The following FOXN3 variants were observed in gnomAD, a reference collection of about 807,000 sequenced individuals.
FOXN3 encodes the protein forkhead box protein N3.
A neutral mutation model predicts 38.4 loss-of-function variants in FOXN3; 7 were observed. That is an observed-to-expected ratio of 0.18 (90% confidence interval 0.10 to 0.34). FOXN3 has a LOEUF of 0.34. FOXN3 is among the 10% of genes least tolerant of loss of function. The pLI is 1.00. For synonymous variants in FOXN3, 230 were observed against 242.2 expected (o/e 0.95, Z 0.47); for missense variants, 456 against 613.4 (o/e 0.74, Z 2.71).
At chr14:89,369,429 C>T (rs1890249219) in intron 2 of FOXN3, among the ~76,000 whole-genome samples, 1 of 152,142 alleles carries the variant, frequency 6.6e-6, no homozygotes, top group Non-Finnish European at 1.5e-5. Flanking sequence ...TTATTTATTT[C>T]ACTTAATTCT....
chr14:89,367,281 T>C (rs1890187338), intron 2 of FOXN3, among the ~76,000 whole-genome samples: 2 of 152,106 alleles, frequency 1.3e-5, no homozygotes, highest in Non-Finnish European at 2.9e-5. Flanking sequence ...CTACAGTGCC[T>C]CTCAATTCTA....
rs60255979 is a variant in FOXN3 at position 89,423,452 on chromosome 14, T to C, written c.-14-10962A>G. Among the ~76,000 whole-genome samples, 393 of 152,322 alleles carry C rather than the reference T, an allele frequency of 2.6e-3. 2 individuals are homozygous for C. Among genetic ancestry groups the C allele is most frequent in the African/African-American group, 8.8e-3 (366 of 41,560 alleles). ...GAAAATCTTGACATATTAGACTGCA[T>C]ACCAATTTAGAATTGTGTGTAAAAT... On this transcript the variant is annotated intron_variant, in intron 1 of 6. Transcript: ENST00000345097.
intron 1 of FOXN3, among the ~76,000 whole-genome samples, chr14:89,550,035 A>T (rs1192566754): frequency 6.6e-6 from 1 of 152,208 alleles, no homozygotes; most frequent in Non-Finnish European, 1.5e-5. Flanking sequence ...TTTTGCCTCC[A>T]TCCTCCAGGC....
intron 1 of FOXN3, among the ~76,000 whole-genome samples, chr14:89,540,013 A>G (rs1173479314): frequency 6.6e-6 from 1 of 152,200 alleles, no homozygotes; most frequent in Non-Finnish European, 1.5e-5. Flanking sequence ...GGCTGTTTCT[A>G]CTTTTCTATG....
intron 1 of FOXN3, among the ~76,000 whole-genome samples, chr14:89,550,381 C>A (rs1894978354): frequency 6.6e-6 from 1 of 152,156 alleles, no homozygotes; most frequent in Admixed American, 6.5e-5. Flanking sequence ...ATGTACAGTG[C>A]ACAGCAAACA....
chr14:89,356,411 T>A (rs1458305968), intron 2 of FOXN3: 3 of 151,654 alleles, frequency 2.0e-5, no homozygotes, highest in African/African-American at 7.3e-5. Flanking sequence ...AAATATATAA[T>A]AATAATAATT....
chr14:89,324,033 A>G (rs528926623), intron 3 of FOXN3, among the ~76,000 whole-genome samples: 2 of 152,298 alleles, frequency 1.3e-5, no homozygotes, highest in South Asian at 4.1e-4. Flanking sequence ...TTAAGTTGCA[A>G]CCTGCAACAG....
intron 3 of FOXN3, among the ~76,000 whole-genome samples, chr14:89,294,671 G>A (rs1385935404): frequency 6.6e-6 from 1 of 152,118 alleles, no homozygotes; most frequent in East Asian, 1.9e-4. Flanking sequence ...AGTGACCTCT[G>A]GTGGTCCTCA....
At chr14:89,226,177 A>G (rs1884634733) in intron 4 of FOXN3, among the ~76,000 whole-genome samples, 1 of 85,098 alleles carries the variant, frequency 1.2e-5, no homozygotes. Flanking sequence ...AGGAGACATA[A>G]AAAAAAAAAA....
intron 1 of FOXN3, among the ~76,000 whole-genome samples, chr14:89,446,030 G>A (rs1433900546): frequency 7.8e-6 from 1 of 128,080 alleles, no homozygotes; most frequent in Admixed American, 1.0e-4. Flanking sequence ...TGAGCTTGCA[G>A]TGAGCTGTGA....
At chr14:89,341,024 G>A (rs1888599210) in intron 3 of FOXN3, among the ~76,000 whole-genome samples, 1 of 152,110 alleles carries the variant, frequency 6.6e-6, no homozygotes, top group Non-Finnish European at 1.5e-5. Context: ...GTTGCAGAGG[G>A]ATATGCCTCG....
At chr14:89,248,371 G>A (rs927970310) in intron 4 of FOXN3, among the ~76,000 whole-genome samples, 1 of 152,106 alleles carries the variant, frequency 6.6e-6, no homozygotes, top group Non-Finnish European at 1.5e-5. Flanking sequence ...CCACCAACAG[G>A]AGCAAATGAT....
intron 1 of FOXN3, among the ~76,000 whole-genome samples, chr14:89,434,500 G>A (rs928439196): frequency 3.9e-5 from 6 of 152,022 alleles, no homozygotes; most frequent in Non-Finnish European, 7.4e-5. Flanking sequence ...AAAGTGCTGG[G>A]ATTACAGATG....
chr14:89,345,945 C>T (rs112257564), intron 3 of FOXN3, among the ~76,000 whole-genome samples: 192 of 152,238 alleles, frequency 1.3e-3, no homozygotes, highest in African/African-American at 4.1e-3. Context: ...CCCAGCTACT[C>T]GGGAGGCTGA....
rs34530866 is a variant in FOXN3, at chr14:89,554,782, C to CTTTTTT, written c.-15+64240_-15+64245dup. On this transcript the variant is annotated intron_variant, in intron 1 of 6. Transcript: ENST00000345097. Reference sequence around the variant, plus strand: ...ATAATCTATGTAAATACTAGCATTTCTTTTTTTTTTTTTTTTTTTTTTTTG... The same window carrying CTTTTTT: ...ATAATCTATGTAAATACTAGCATTTCTTTTTTTTTTTTTTTTTTTTTTTTTTTTTTG... Among the ~76,000 whole-genome samples the CTTTTTT allele has an allele frequency of 1.6e-3, 111 of 68,534 alleles. 1 individual carries two copies. Among genetic ancestry groups the CTTTTTT allele is most frequent in the African/African-American group, 4.9e-3 (97 of 19,616 alleles). 45.0% of individuals were successfully genotyped at this position (68,534 alleles called of 152,430 possible). A position where few individuals can be genotyped will look rare whatever the true frequency, so the allele number is the denominator to read the frequency against.
At chr14:89,294,257 A>C (rs79108864) in intron 3 of FOXN3, among the ~76,000 whole-genome samples, 5,630 of 152,158 alleles carry the variant, frequency 0.037, 365 homozygotes, top group African/African-American at 0.13. Flanking sequence ...TCAAAGCACA[A>C]TATCTTCAGG....
chr14:89,414,592 T>A (rs1891645091), intron 1 of FOXN3, among the ~76,000 whole-genome samples: 1 of 148,452 alleles, frequency 6.7e-6, no homozygotes, highest in African/African-American at 2.5e-5. Context: ...CTCACTCTGT[T>A]GCCCAGGCTG....
intron 1 of FOXN3, among the ~76,000 whole-genome samples, chr14:89,504,260 C>T (rs1239291368): frequency 6.6e-6 from 1 of 152,226 alleles, no homozygotes. Flanking sequence ...TGCTAGCTCA[C>T]TTTCCCAGGC....
intron 4 of FOXN3, among the ~76,000 whole-genome samples, chr14:89,240,741 C>G (rs534418590): frequency 6.6e-6 from 1 of 152,154 alleles, no homozygotes; most frequent in Non-Finnish European, 1.5e-5. Context: ...AAGAGAATGC[C>G]GTACTTTTCA....
Sources: gnomAD v4.1 joint callset for allele counts (sites outside exome capture counted in the v4.1 genomes callset) on GRCh38, gnomAD v4.1.1 for gene constraint, MANE v1.5 for transcripts, NCBI Gene and HGNC (gene_info 2026-07-23, HGNC 2026-07-21) for gene names.